The following ROBO1 variants were observed in gnomAD, a reference collection of about 807,000 sequenced individuals.
ROBO1 encodes roundabout homolog 1.
Under a neutral mutation model 195.9 loss-of-function variants are expected in ROBO1, and 149 were observed. That is an observed-to-expected ratio of 0.76 (90% CI 0.67 to 0.87). The LOEUF is 0.87. Ranked by LOEUF, ROBO1 falls within the 40% of genes least tolerant of loss-of-function variation. ROBO1 has a pLI of 0.00. For synonymous variants in ROBO1, 816 were observed against 733.2 expected (o/e 1.11, Z -1.82); for missense variants, 1,933 against 2,068.3 (o/e 0.93, Z 1.27).
At position 79,393,868 on chromosome 3, in the gene ROBO1, G is replaced by A. The variant is rs184435499; in HGVS notation, c.88+195956C>T. On this transcript the variant is annotated intron_variant, in intron 2 of 30. Transcript: ENST00000464233. ...TTCAAATTTAGTAGGCAGGGAACCC[G>A]AACATCTGAATAACATCTGTGAAGA... Among the ~76,000 whole-genome samples, 336 of 152,216 alleles carry A rather than the reference G, an allele frequency of 2.2e-3. 1 individual carries two copies. Among genetic ancestry groups the A allele is most frequent in the African/African-American group, 7.8e-3 (325 of 41,552 alleles).
intron 2 of ROBO1, among the ~76,000 whole-genome samples, chr3:79,279,830 T>C (rs981110523): frequency 2.6e-5 from 4 of 151,638 alleles, no homozygotes; most frequent in Admixed American, 2.6e-4. Context: ...AGGTATCACA[T>C]GTGTTGTTGT....
At chr3:79,281,446 A>G (rs1004045635) in intron 2 of ROBO1, among the ~76,000 whole-genome samples, 2 of 152,034 alleles carry the variant, frequency 1.3e-5, no homozygotes, top group African/African-American at 2.4e-5. Context: ...ATCTTTTTCA[A>G]ATTAGGAGAA....
At chr3:79,001,221 T>C (rs1327343664) in intron 3 of ROBO1, among the ~76,000 whole-genome samples, 28 of 152,056 alleles carry the variant, frequency 1.8e-4, no homozygotes, top group East Asian at 1.9e-4. Flanking sequence ...CAAACCACCA[T>C]GGCACATGTA....
At chr3:79,038,973 A>G (rs1322852680) in intron 3 of ROBO1, among the ~76,000 whole-genome samples, 2 of 152,194 alleles carry the variant, frequency 1.3e-5, no homozygotes, top group African/African-American at 2.4e-5. Context: ...CTCTCTATGC[A>G]GAAGAGAAGC....
chr3:79,205,038 G>T (rs1197404687), intron 2 of ROBO1, among the ~76,000 whole-genome samples: 2 of 152,046 alleles, frequency 1.3e-5, no homozygotes, highest in African/African-American at 4.8e-5. Context: ...TGTCGCCTAG[G>T]CTGGACTGCA....
intron 1 of ROBO1, among the ~76,000 whole-genome samples, chr3:79,603,452 C>G (rs1421032821): frequency 6.6e-6 from 1 of 151,944 alleles, no homozygotes; most frequent in Non-Finnish European, 1.5e-5. Context: ...CTCTGTGACT[C>G]TGCTTAGTGA....
chr3:79,187,120 T>A (rs2108747259), intron 2 of ROBO1, among the ~76,000 whole-genome samples: 1 of 152,214 alleles, frequency 6.6e-6, no homozygotes, highest in East Asian at 1.9e-4. Flanking sequence ...CCTTTAAATA[T>A]CTTTTTAAAA....
rs1559772368 is a variant in ROBO1 at position 78,711,323 on chromosome 3, C to CCT, written c.1045+3073_1045+3074insAG. 8.7e-5 allele frequency among the ~76,000 whole-genome samples: 12 copies of CCT among 137,304 alleles called. 3 individuals are homozygous for CCT. Among genetic ancestry groups the CCT allele is most frequent in the African/African-American group, 3.1e-4 (11 of 35,704 alleles). 90.1% of individuals were successfully genotyped at this position (137,304 alleles called of 152,430 possible). A position where few individuals can be genotyped will look rare whatever the true frequency, so the allele number is the denominator to read the frequency against. ...TCTTTCTTTCTTTCTTTCTCTCTCT[C>CCT]TCTCCTTCCTTCCTTCCTTCCTTCC... On this transcript the variant is annotated intron_variant, in intron 8 of 30. Transcript: ENST00000464233.
At position 79,330,142 on chromosome 3, in the gene ROBO1, T is replaced by C. The variant is rs1240689642; in HGVS notation, c.89-204603A>G. ...TTTCTCACTGTGGAATATCTTTCTATCCTTAAAAATGTGTGTATGTGGCAG... is the reference window on the plus strand; with the variant it reads ...TTTCTCACTGTGGAATATCTTTCTACCCTTAAAAATGTGTGTATGTGGCAG... On this transcript the variant is annotated intron_variant, in intron 2 of 30. Transcript: ENST00000464233. 2.0e-5 allele frequency among the ~76,000 whole-genome samples: 3 copies of C among 151,652 alleles called. No individual in the cohort carries two copies. The East Asian group carries it at 5.8e-4, about 29-fold the overall frequency.
chr3:79,040,867 G>A (rs963728344), intron 3 of ROBO1, among the ~76,000 whole-genome samples: 2 of 151,052 alleles, frequency 1.3e-5, no homozygotes, highest in Non-Finnish European at 3.0e-5. Flanking sequence ...AACTGCTTAC[G>A]AAAAAAAAAT....
At chr3:78,865,851 C>T (rs1430314551) in intron 4 of ROBO1, among the ~76,000 whole-genome samples, 4 of 152,106 alleles carry the variant, frequency 2.6e-5, no homozygotes, top group African/African-American at 4.8e-5. Flanking sequence ...ATTAGAGTTA[C>T]ACTTTGCTAA....
chr3:79,250,688 ATTAG>A (rs2082712357), intron 2 of ROBO1, among the ~76,000 whole-genome samples: 1 of 152,190 alleles, frequency 6.6e-6, no homozygotes, highest in African/African-American at 2.4e-5. Context: ...AGAATAATAA[ATTAG>A]TTAATTCATT....
intron 3 of ROBO1, among the ~76,000 whole-genome samples, chr3:79,059,788 G>A (rs769880647): frequency 1.1e-4 from 16 of 151,882 alleles, no homozygotes; most frequent in South Asian, 2.1e-4. Context: ...GATGTATGTT[G>A]CCTCAGGACC....
intron 2 of ROBO1, among the ~76,000 whole-genome samples, chr3:79,522,194 A>C (rs1323569418): frequency 1.3e-5 from 2 of 152,144 alleles, no homozygotes; most frequent in Non-Finnish European, 2.9e-5. Flanking sequence ...TGGTAATTGT[A>C]TTGCTACAAT....
At chr3:79,490,375 AT>A (rs1342712121) in intron 2 of ROBO1, among the ~76,000 whole-genome samples, 1 of 152,220 alleles carries the variant, frequency 6.6e-6, no homozygotes, top group East Asian at 1.9e-4. Context: ...CAGTAGGTGG[AT>A]TCCCCTTCAT....
chr3:78,881,397 G>A (rs1365217699), intron 4 of ROBO1, among the ~76,000 whole-genome samples: 5 of 152,060 alleles, frequency 3.3e-5, no homozygotes, highest in Admixed American at 6.6e-5. Flanking sequence ...AGTGAAAATG[G>A]TTAGTCTCAT....
At chr3:78,647,975 A>G (rs1165200589) in intron 19 of ROBO1, among the ~76,000 whole-genome samples, 1 of 152,120 alleles carries the variant, frequency 6.6e-6, no homozygotes, top group East Asian at 1.9e-4. Context: ...ATCCTCCACT[A>G]TTAATCATCT....
chr3:78,998,844 A>G (rs2077428759), intron 3 of ROBO1, among the ~76,000 whole-genome samples: 1 of 152,106 alleles, frequency 6.6e-6, no homozygotes, highest in South Asian at 2.1e-4. Flanking sequence ...TATTTTGGAT[A>G]GGCAGTTACC....
At chr3:78,885,432 A>AC (rs1182007358) in intron 4 of ROBO1, among the ~76,000 whole-genome samples, 1 of 149,492 alleles carries the variant, frequency 6.7e-6, no homozygotes, top group Non-Finnish European at 1.5e-5. Context: ...AAAAAAAAAA[A>AC]AAAAAAAAAA....
Sources: gnomAD v4.1 joint callset for allele counts (sites outside exome capture counted in the v4.1 genomes callset) on GRCh38, gnomAD v4.1.1 for gene constraint, MANE v1.5 for transcripts, NCBI Gene and HGNC (gene_info 2026-07-23, HGNC 2026-07-21) for gene names.